The following CHIC2 variants were observed in gnomAD, a reference collection of about 807,000 sequenced individuals.
The protein encoded by CHIC2 is cysteine-rich hydrophobic domain-containing protein 2.
In CHIC2, 14 loss-of-function variants were observed where a neutral mutation model predicts 25.9. The ratio of observed to expected loss-of-function variants is 0.54; its 90% CI spans 0.36 to 0.85. CHIC2 has a LOEUF of 0.85. Ranked by LOEUF, CHIC2 falls within the 40% of genes least tolerant of loss-of-function variation. The probability of loss-of-function intolerance (pLI) is 0.01; values close to 1 mark genes in which losing one functional copy is unlikely to be tolerated. For missense variants in CHIC2, 146 were observed against 202.0 expected (o/e 0.72, Z 1.68); for synonymous variants, 70 against 72.0 (o/e 0.97, Z 0.14).
chr4:54,061,722 A>T (rs549398150), intron 1 of CHIC2, among the ~76,000 whole-genome samples: 6 of 152,276 alleles, frequency 3.9e-5, no homozygotes, highest in African/African-American at 1.4e-4. Flanking sequence ...CCTGGGAATT[A>T]TGCATGACAG....
chr4:54,027,071 A>G (rs1716083584), intron 3 of CHIC2, among the ~76,000 whole-genome samples: 2 of 152,226 alleles, frequency 1.3e-5, no homozygotes, highest in Non-Finnish European at 1.5e-5. Context: ...TCAAGAAAAG[A>G]AAGTAGAAAG....
At chr4:54,072,280 C>T in the CHIC2 span, among the ~76,000 whole-genome samples, 6 of 149,962 alleles carry the variant, frequency 4.0e-5, no homozygotes, top group Admixed American at 6.6e-5. Context: ...CCAGCCTGGG[C>T]GACAGAGCAA....
In CHIC2 at chr4:54,064,347, T is replaced by C. The variant is rs141535145; in HGVS notation, c.-47A>G. On this transcript the variant is annotated 5_prime_UTR_variant, in exon 1 of 6. Transcript: ENST00000263921. This position sits in a 1 kb window ranked among gnomAD's most constrained non-coding sequence, Gnocchi z 4.2. ...GCCCAAAGGGCCTGACTCCCGGGGT[T>C]GGCGCCGGGGTACCGGCGGGCGAGG... The C allele has an allele frequency of 1.1e-3, 1,752 of 1,609,094 alleles. 13 individuals carry two copies. In the African/African-American group the frequency reaches 0.015, roughly 14 times the overall value.
intron 3 of CHIC2, among the ~76,000 whole-genome samples, chr4:54,025,109 G>T (rs746112492): frequency 6.9e-6 from 1 of 145,056 alleles, no homozygotes; most frequent in Non-Finnish European, 1.5e-5. Flanking sequence ...AATATAAGAA[G>T]ACAGGAATGT....
intron 1 of CHIC2, among the ~76,000 whole-genome samples, chr4:54,057,871 T>C (rs1057109206): frequency 3.9e-5 from 6 of 152,220 alleles, no homozygotes; most frequent in Non-Finnish European, 7.3e-5. Context: ...TTACTTTATA[T>C]GCAGTTCTAA....
At chr4:54,054,110 A>G (rs760337149) in intron 1 of CHIC2, among the ~76,000 whole-genome samples, 15 of 152,206 alleles carry the variant, frequency 9.9e-5, no homozygotes, top group African/African-American at 1.9e-4. Flanking sequence ...ATAATGTACA[A>G]TACCACCCTA....
intron 1 of CHIC2, among the ~76,000 whole-genome samples, chr4:54,054,671 T>A (rs1419571614): frequency 6.6e-6 from 1 of 152,192 alleles, no homozygotes; most frequent in Admixed American, 6.5e-5. Flanking sequence ...CAAGTGGGCA[T>A]CTGCTTTAAG....
chr4:54,025,810 G>GT (rs1716040632), intron 3 of CHIC2, among the ~76,000 whole-genome samples: 1 of 149,930 alleles, frequency 6.7e-6, no homozygotes, highest in Non-Finnish European at 1.5e-5. Flanking sequence ...TGCAGTGAAC[G>GT]TGTCACTGCA....
the CHIC2 span, among the ~76,000 whole-genome samples, chr4:54,079,343 G>A: frequency 1.3e-5 from 2 of 151,990 alleles, no homozygotes. Context: ...TTTCCTTGAC[G>A]TTGTTATTGG....
intron 3 of CHIC2, among the ~76,000 whole-genome samples, chr4:54,026,632 A>G (rs1716065591): frequency 6.6e-6 from 1 of 152,230 alleles, no homozygotes; most frequent in South Asian, 2.1e-4. Flanking sequence ...CATCTACTAA[A>G]CAAAGCTGGA....
chr4:54,013,679 A>C (rs182408557), intron 5 of CHIC2, among the ~76,000 whole-genome samples, 158 bp downstream of exon 5: 60 of 152,266 alleles, frequency 3.9e-4, no homozygotes, highest in Non-Finnish European at 7.8e-4. Context: ...TCAGTCTTGC[A>C]CATGAAACCA....
chr4:54,090,989 C>T, the CHIC2 span, among the ~76,000 whole-genome samples: 1 of 151,974 alleles, frequency 6.6e-6, no homozygotes, highest in African/African-American at 2.4e-5. Context: ...GAGATCTAAG[C>T]TATCTTGTTC....
intron 3 of CHIC2, among the ~76,000 whole-genome samples, chr4:54,033,878 G>A (rs982044432): frequency 2.0e-5 from 3 of 152,022 alleles, no homozygotes; most frequent in Admixed American, 1.3e-4. Flanking sequence ...ATCTTGATGC[G>A]AGTACCACAC....
intron 3 of CHIC2, among the ~76,000 whole-genome samples, chr4:54,040,062 A>G (rs1357337971): frequency 6.6e-6 from 1 of 152,192 alleles, no homozygotes; most frequent in Non-Finnish European, 1.5e-5. Flanking sequence ...CTACAGAGGT[A>G]GTAAGTAAAA....
chr4:54,053,400 T>C (rs572430111), intron 1 of CHIC2, among the ~76,000 whole-genome samples: 1 of 152,028 alleles, frequency 6.6e-6, no homozygotes, highest in Admixed American at 6.5e-5. Flanking sequence ...CTACTAAAAA[T>C]GCAAAAATAG....
chr4:54,087,533 C>T, the CHIC2 span: 1 of 1,164,792 alleles, frequency 8.6e-7, no homozygotes, highest in Non-Finnish European at 1.1e-6. Context: ...ATTTGAGAGG[C>T]CCCTGTATGC....
At chr4:54,027,680 G>C (rs1191053808) in intron 3 of CHIC2, among the ~76,000 whole-genome samples, 5 of 152,168 alleles carry the variant, frequency 3.3e-5, no homozygotes, top group African/African-American at 1.2e-4. Context: ...CCTAGGGCTA[G>C]ATAAAGAAAA....
chr4:54,048,962 C>T lies in CHIC2; in HGVS notation c.323G>A (p.Ser108Asn), dbSNP rs1428946832. The T allele has an allele frequency of 6.4e-7, 1 of 1,552,584 alleles. No individual in the cohort carries two copies. Among genetic ancestry groups the T allele is most frequent in the Non-Finnish European group, 8.7e-7 (1 of 1,149,584 alleles). The change falls in exon 3 of 6, where the codon AGT becomes AAT. Residue 108 changes from serine to asparagine, a missense_variant. Ser to Asn is a conservative substitution (Grantham distance 46). Transcript: ENST00000263921. The stretch of plus-strand genomic sequence containing the variant: ...ATATATAATTCAACTTACTCTTTTA[C>T]TGAGGCAAATAACTGGCCACATACT... ...GCSMWPVICL[S>N]KRTRRSIEKL... is the part of the protein sequence containing the mutation.
At chr4:54,041,022 T>C (rs998556956) in intron 3 of CHIC2, among the ~76,000 whole-genome samples, 1 of 150,056 alleles carries the variant, frequency 6.7e-6, no homozygotes, top group Admixed American at 6.7e-5. Flanking sequence ...GTTCAAGCGA[T>C]TCTTCTGCCT....
Sources: gnomAD v4.1 joint callset for allele counts (sites outside exome capture counted in the v4.1 genomes callset) on GRCh38, gnomAD v4.1.1 for gene constraint, Gnocchi (gnomAD v3.1) non-coding constraint, MANE v1.5 for transcripts, NCBI Gene and HGNC (gene_info 2026-07-23, HGNC 2026-07-21) for gene names.